The following MCPH1 variants were observed in gnomAD, a reference collection of about 807,000 sequenced individuals.
MCPH1 encodes microcephalin.
In MCPH1, 104 loss-of-function variants were observed where a neutral mutation model predicts 84.5. That is an observed-to-expected ratio of 1.23 (90% confidence interval 1.05 to 1.45). MCPH1 has a LOEUF of 1.45. Among genes scored for constraint, MCPH1 ranks in the 40% most tolerant of loss-of-function variants. MCPH1 has a pLI of 0.00. For missense variants in MCPH1, 1,498 were observed against 1,005.7 expected (o/e 1.49, Z -6.62); for synonymous variants, 514 against 366.8 (o/e 1.40, Z -4.58).
At chr8:6,411,932 C>G (rs1007696024) in intron 2 of MCPH1, among the ~76,000 whole-genome samples, 8 of 152,058 alleles carry the variant, frequency 5.3e-5, no homozygotes, top group African/African-American at 1.7e-4. Context: ...ATGTCCTTGT[C>G]TGGCATTTGG....
chr8:6,503,591 G>C (rs1471952876), intron 12 of MCPH1, among the ~76,000 whole-genome samples: 1 of 152,170 alleles, frequency 6.6e-6, no homozygotes, highest in African/African-American at 2.4e-5. Flanking sequence ...AACATCTGAG[G>C]CACAGTTGGA....
intron 8 of MCPH1, among the ~76,000 whole-genome samples, chr8:6,449,791 C>T (rs975991723): frequency 2.6e-5 from 4 of 152,168 alleles, no homozygotes; most frequent in African/African-American, 9.6e-5. Flanking sequence ...AAGAGAGAAT[C>T]GTTGCTTATG....
intron 13 of MCPH1, among the ~76,000 whole-genome samples, chr8:6,632,030 A>C (rs1358881570): frequency 6.6e-6 from 1 of 152,234 alleles, no homozygotes; most frequent in African/African-American, 2.4e-5. Context: ...TGATACATGT[A>C]ACACTGTGGA....
intron 11 of MCPH1, 31 bp downstream of exon 11, chr8:6,480,907 A>C (rs1296125335): frequency 6.2e-7 from 1 of 1,611,174 alleles, no homozygotes; most frequent in Non-Finnish European, 8.5e-7. Flanking sequence ...GCGTATTTTA[A>C]AACAAGGCAT....
intron 12 of MCPH1, among the ~76,000 whole-genome samples, chr8:6,515,715 A>G (rs1156697893): frequency 6.6e-6 from 1 of 152,246 alleles, no homozygotes; most frequent in Non-Finnish European, 1.5e-5. Context: ...TCTGCCACAT[A>G]CAAGGTAGGA....
chr8:6,572,415 A>G (rs900321831), intron 12 of MCPH1, among the ~76,000 whole-genome samples: 1 of 152,190 alleles, frequency 6.6e-6, no homozygotes, highest in Non-Finnish European at 1.5e-5. Flanking sequence ...CCCTCTGCTG[A>G]TCTCCTATCA....
At chr8:6,597,044 G>A (rs1344743760) in intron 12 of MCPH1, among the ~76,000 whole-genome samples, 1 of 152,180 alleles carries the variant, frequency 6.6e-6, no homozygotes, top group Non-Finnish European at 1.5e-5. Context: ...GGGCCAGGTG[G>A]GCAGGAGATG....
chr8:6,500,329 C>T (rs1419090252), intron 12 of MCPH1: 1 of 163,358 alleles, frequency 6.1e-6, no homozygotes, highest in African/African-American at 2.4e-5. Context: ...ATTTTTATGG[C>T]TTTCCTAAAT....
chr8:6,444,338 A>ACAAC (rs1262891668), intron 7 of MCPH1, 55 bp from the exon 8 acceptor site: 1 of 1,605,514 alleles, frequency 6.2e-7, no homozygotes, highest in East Asian at 2.2e-5. Context: ...TGAAAGTTGA[A>ACAAC]TATAGAATAA....
intron 11 of MCPH1, among the ~76,000 whole-genome samples, chr8:6,493,599 T>C (rs1469292940): frequency 6.6e-6 from 1 of 152,208 alleles, no homozygotes; most frequent in East Asian, 1.9e-4. Context: ...AAAACCTTAC[T>C]AATGTGTGGA....
intron 12 of MCPH1, among the ~76,000 whole-genome samples, chr8:6,604,603 C>T (rs954202308): frequency 7.9e-5 from 12 of 152,214 alleles, no homozygotes. Context: ...CTTTCAGGCT[C>T]GAGTGATTCT....
At chr8:6,461,121 AC>A (rs1350098969) in intron 9 of MCPH1, among the ~76,000 whole-genome samples, 1 of 152,116 alleles carries the variant, frequency 6.6e-6, no homozygotes, top group African/African-American at 2.4e-5. Flanking sequence ...ACCTGAATTG[AC>A]ATTAATTCAG....
chr8:6,611,124 A>T (rs994718749), intron 12 of MCPH1, among the ~76,000 whole-genome samples: 2 of 133,620 alleles, frequency 1.5e-5, no homozygotes, highest in East Asian at 4.7e-4. Context: ...TCTCTCACAC[A>T]CACACTCACA....
At chr8:6,580,683 A>C (rs78341049) in intron 12 of MCPH1, among the ~76,000 whole-genome samples, 5,799 of 152,238 alleles carry the variant, frequency 0.038, 169 homozygotes, top group South Asian at 0.058. Context: ...CAAAACAAAA[A>C]AAAACTCAGA....
chr8:6,534,862 T>C (rs1467895364), intron 12 of MCPH1, among the ~76,000 whole-genome samples: 1 of 152,120 alleles, frequency 6.6e-6, no homozygotes, highest in Non-Finnish European at 1.5e-5. Flanking sequence ...ATAAACTATT[T>C]AAAAGAAGCC....
At chr8:6,633,645 A>C (rs1316878509) in intron 13 of MCPH1, among the ~76,000 whole-genome samples, 1 of 152,100 alleles carries the variant, frequency 6.6e-6, no homozygotes, top group East Asian at 1.9e-4. Flanking sequence ...CTTCAACTAT[A>C]GTATAACTTT....
intron 12 of MCPH1, chr8:6,513,784 T>G (rs758845027): frequency 1.2e-6 from 2 of 1,614,114 alleles, no homozygotes; most frequent in East Asian, 2.2e-5. Flanking sequence ...CGTTGCTGAT[T>G]AGTCAGTTGC....
chr8:6,409,976 A>ATTTTTTTTTTTTTTTTTTTTTT (rs34420641), intron 2 of MCPH1, among the ~76,000 whole-genome samples: 2 of 147,584 alleles, frequency 1.4e-5, no homozygotes, highest in Admixed American at 6.7e-5. Flanking sequence ...GTAGGGAGTA[A>ATTTTTTTTTTTTTTTTTTTTTT]TTTTTTTTTT....
chr8:6,434,404 C>A (rs533045301), intron 4 of MCPH1, among the ~76,000 whole-genome samples: 9 of 152,192 alleles, frequency 5.9e-5, no homozygotes, highest in Admixed American at 5.9e-4. Context: ...CCCCAAACTT[C>A]CCGGACCTGT....
Sources: allele counts gnomAD v4.1 joint callset (sites outside exome capture counted in the v4.1 genomes callset), GRCh38; gene constraint gnomAD v4.1.1; transcripts MANE v1.5; gene names NCBI Gene and HGNC (gene_info 2026-07-23, HGNC 2026-07-21).